The following OTOG variants were observed in gnomAD, a reference collection of about 807,000 sequenced individuals.
OTOG encodes otogelin.
A neutral mutation model predicts 313.8 loss-of-function variants in OTOG; 296 were observed. That is an observed-to-expected ratio of 0.94 (90% CI 0.86 to 1.04). OTOG has a LOEUF of 1.04. Ranked by LOEUF, OTOG falls within the 50% of genes least tolerant of loss-of-function variation. OTOG has a pLI of 0.00. For missense variants in OTOG, 3,948 were observed against 3,840.1 expected (o/e 1.03, Z -0.74); for synonymous variants, 1,533 against 1,554.9 (o/e 0.99, Z 0.33).
chr11:17,549,725 A>G (rs1408671645), intron 3 of OTOG, among the ~76,000 whole-genome samples: 2 of 152,162 alleles, frequency 1.3e-5, no homozygotes, highest in Non-Finnish European at 2.9e-5. Flanking sequence ...TTTCCAGGGT[A>G]GGCATCCCGC....
intron 39 of OTOG, among the ~76,000 whole-genome samples, chr11:17,616,621 A>G (rs1283082611): frequency 2.0e-5 from 3 of 151,922 alleles, no homozygotes; most frequent in African/African-American, 7.3e-5. Flanking sequence ...TAAGTAGTTT[A>G]TATTTTTTGG....
intron 34 of OTOG, among the ~76,000 whole-genome samples, chr11:17,608,908 G>C (rs1029154561): frequency 6.6e-6 from 1 of 152,194 alleles, no homozygotes; most frequent in Non-Finnish European, 1.5e-5. Flanking sequence ...GGTCTGAGGG[G>C]TAGAAGTGTG....
chr11:17,589,540 C>T (rs561256881), intron 24 of OTOG, among the ~76,000 whole-genome samples: 119 of 152,300 alleles, frequency 7.8e-4, no homozygotes, highest in Non-Finnish European at 1.3e-3. Context: ...GGAACCACTG[C>T]AGCATCTCTC....
chr11:17,575,918 C>T (rs1361483298), intron 20 of OTOG, among the ~76,000 whole-genome samples: 6 of 152,318 alleles, frequency 3.9e-5, no homozygotes, highest in African/African-American at 1.4e-4. Flanking sequence ...TGCTCCAAGA[C>T]CTGCACGTGC....
Position 17,560,825 on chromosome 11 carries a change from T to C in OTOG, c.1451+8T>C. 6.5e-7 allele frequency: 1 copy of C among 1,546,962 alleles called. No individual in the cohort carries two copies. The highest frequency in any genetic ancestry group is 1.2e-5 in the South Asian group (1 of 83,958). On this transcript the variant is annotated splice_region_variant and intron_variant, in intron 13 of 55. Transcript: ENST00000399397. ...GGAAGACTGCAATACTTGGTCTGTG[T>C]CTGCTGCCGGGAAGCAGGGTGTGGG...
intron 25 of OTOG, 79 bp downstream of exon 25, chr11:17,591,667 A>T (rs1852940491): frequency 1.3e-6 from 2 of 1,505,688 alleles, no homozygotes; most frequent in Non-Finnish European, 1.8e-6. Flanking sequence ...CTCCAGTTTG[A>T]TGCAGAATTG....
At chr11:17,599,590 G>A (rs1266420070) in intron 30 of OTOG, 81 bp from the exon 31 acceptor site, 22 of 1,476,634 alleles carry the variant, frequency 1.5e-5, no homozygotes, top group African/African-American at 2.8e-5. Flanking sequence ...AGGGAGGCTG[G>A]GATGCTGGGA....
rs1852173098 is a variant in OTOG, at chr11:17,561,132, G to T, written c.1493G>T (p.Cys498Phe). The change falls in exon 14 of 56, where the codon TGC becomes TTC. Residue 498 changes from cysteine to phenylalanine, a missense_variant. By Grantham distance (205) the Cys-to-Phe change is radical. Coordinates refer to ENST00000399397, the MANE Select transcript of OTOG (RefSeq NM_001292063.2). ...AAGTGGGAGTGCAGCACAGCTGTCTGCCCAGGTATGTCTGCCCCCCACCTT... is the reference window on the plus strand; with the variant it reads ...AAGTGGGAGTGCAGCACAGCTGTCTTCCCAGGTATGTCTGCCCCCCACCTT... ...SGKWECSTAV[C>F]PAECSVTGDI... 1.3e-6 allele frequency: 2 copies of T among 1,550,578 alleles called. No homozygotes were observed. The highest frequency in any genetic ancestry group is 4.9e-5 in the East Asian group (2 of 40,920).
At chr11:17,581,625 C>T (rs745723431) in intron 23 of OTOG, among the ~76,000 whole-genome samples, 2 of 152,144 alleles carry the variant, frequency 1.3e-5, no homozygotes, top group South Asian at 2.1e-4. Context: ...GGAAGTGTTG[C>T]GTAATTTATA....
chr11:17,547,834 C>T (rs528349618), intron 1 of OTOG, 93 bp from the exon 2 acceptor site: 6 of 442,634 alleles, frequency 1.4e-5, no homozygotes, highest in Admixed American at 3.8e-5. Context: ...TGCTCAGTGG[C>T]GTGGGAGAGG....
chr11:17,605,556 A>G (rs1199792929), intron 32 of OTOG, among the ~76,000 whole-genome samples: 2 of 152,088 alleles, frequency 1.3e-5, no homozygotes, highest in African/African-American at 4.8e-5. Flanking sequence ...ATGTTTGCAG[A>G]AGGAGGGAAG....
At chr11:17,599,616 G>A (rs551581733) in intron 30 of OTOG, 55 bp from the exon 31 acceptor site, 1 of 1,542,882 alleles carries the variant, frequency 6.5e-7, no homozygotes, top group African/African-American at 1.4e-5. Flanking sequence ...GGCTCTGTCT[G>A]TCTGTTCCAG....
At chr11:17,575,059 T>A (rs1590013188) in intron 20 of OTOG, 147 bp downstream of exon 20, 2 of 783,370 alleles carry the variant, frequency 2.6e-6, no homozygotes, top group Non-Finnish European at 3.8e-6. Context: ...GTAAGGTGGG[T>A]GGGCTCCCTC....
At position 17,602,299 on chromosome 11, in the gene OTOG, G is replaced by C. The variant is rs1421905519; in HGVS notation, c.3799G>C (p.Val1267Leu). ...MKAVGDDIVL[V>L]RTEDVAPADI... ...GGCGGTGGGCGATGACATAGTCCTAGTGAGGACAGAGGATGTGGCGCCAGC... is the reference window on the plus strand; with the variant it reads ...GGCGGTGGGCGATGACATAGTCCTACTGAGGACAGAGGATGTGGCGCCAGC... The change falls in exon 32 of 56, where the codon GTG becomes CTG. Residue 1267 changes from valine to leucine, a missense_variant. Coordinates refer to ENST00000399397, the MANE Select transcript of OTOG (RefSeq NM_001292063.2). The C allele has an allele frequency of 4.5e-6, 7 of 1,550,610 alleles. No homozygotes were observed. Among genetic ancestry groups the C allele is most frequent in the Non-Finnish European group, 6.1e-6 (7 of 1,146,960 alleles).
chr11:17,629,322 G>C lies in OTOG; in HGVS notation c.6712+6G>C, dbSNP rs529947918. 3.2e-6 allele frequency: 5 copies of C among 1,543,126 alleles called. No homozygotes were observed. The highest frequency in any genetic ancestry group is 4.4e-6 in the Non-Finnish European group (5 of 1,142,826). On this transcript the variant is annotated splice_donor_region_variant and intron_variant, in intron 40 of 55. Transcript: ENST00000399397. ...CCAGGGCCATGGCCTGTGCGGTGAG[G>C]TGGAACCCAGCTTGCGGGGAGGGGA... is the stretch of plus-strand genomic sequence containing the variant.
rs1382416953 is a variant in OTOG at position 17,629,272 on chromosome 11, T to C, written c.6668T>C (p.Val2223Ala). 5.8e-6 allele frequency: 9 copies of C among 1,550,416 alleles called. No individual in the cohort carries two copies. The Admixed American group carries it at 1.8e-4, about 30-fold the overall frequency. The change falls in exon 40 of 56, where the codon GTG becomes GCG. Residue 2223 changes from valine to alanine, a missense_variant. Val to Ala is a moderately conservative substitution (Grantham distance 64, BLOSUM62 0). Transcript: ENST00000399397. ...QWLHSSGLMI[V>A]EASKTSKAQG... ...CTCCACAGCTCAGGACTCATGATCG[T>C]GGAGGCCAGCAAAACCAGCAAGGCC...
At chr11:17,630,656 A>G (rs535085238) in intron 40 of OTOG, among the ~76,000 whole-genome samples, 20 of 152,306 alleles carry the variant, frequency 1.3e-4, no homozygotes, top group African/African-American at 4.8e-4. Flanking sequence ...GAGAGCTACA[A>G]TCTTTTGTGA....
chr11:17,607,047 C>T (rs1853407207), intron 33 of OTOG, among the ~76,000 whole-genome samples: 1 of 152,222 alleles, frequency 6.6e-6, no homozygotes, highest in South Asian at 2.1e-4. Flanking sequence ...GACCCTGGTC[C>T]TAGACCCTTG....
intron 25 of OTOG, among the ~76,000 whole-genome samples, chr11:17,592,762 C>T (rs1468205359): frequency 6.6e-6 from 1 of 152,154 alleles, no homozygotes; most frequent in Non-Finnish European, 1.5e-5. Context: ...TATTTAAATG[C>T]AGCAGTGAAT....
Sources: allele counts gnomAD v4.1 joint callset (sites outside exome capture counted in the v4.1 genomes callset), GRCh38; gene constraint gnomAD v4.1.1; transcripts MANE v1.5; gene names NCBI Gene and HGNC (gene_info 2026-07-23, HGNC 2026-07-21).